RPL24: variants seen among roughly 807,000 people sequenced by gnomAD.
The protein encoded by RPL24 is ribosomal protein L24, also known as large ribosomal subunit protein eL24.
Under a neutral mutation model 26.4 loss-of-function variants are expected in RPL24, and 7 were observed. The observed-to-expected ratio is 0.27, with a 90% confidence interval of 0.15 to 0.50. The LOEUF is 0.50. Ranked by LOEUF, RPL24 falls within the 20% of genes least tolerant of loss-of-function variation. The pLI is 0.98. For synonymous variants in RPL24, 67 were observed against 65.2 expected (o/e 1.03, Z -0.13); for missense variants, 109 against 194.9 (o/e 0.56, Z 2.62).
intron 5 of RPL24, 81 bp downstream of exon 5, chr3:101,682,348 G>T: frequency 9.0e-7 from 1 of 1,107,918 alleles, no homozygotes; most frequent in Non-Finnish European, 1.4e-6. Context: ...CCCATCCTGG[G>T]CAACAGAGCA....
At chr3:101,683,958 C>T (rs922055605) in intron 3 of RPL24, among the ~76,000 whole-genome samples, 35 of 152,050 alleles carry the variant, frequency 2.3e-4, no homozygotes, top group African/African-American at 8.2e-4. Context: ...GCAATCTGTC[C>T]GCCTTGGCCT....
chr3:101,682,937 G>T, intron 3 of RPL24, 30 bp from the exon 4 acceptor site: 1 of 1,589,628 alleles, frequency 6.3e-7, no homozygotes, highest in Non-Finnish European at 8.6e-7. Context: ...GGCACACTTA[G>T]GAACCTTCCT....
At chr3:101,681,363 C>T in intron 5 of RPL24, 148 bp from the exon 6 acceptor site, 1 of 626,966 alleles carries the variant, frequency 1.6e-6, no homozygotes, top group Non-Finnish European at 2.9e-6. Context: ...TGTGACTACC[C>T]TTAAATATTT....
Position 101,685,786 on chromosome 3 carries a change from T to C in RPL24, c.192+32A>G, listed in dbSNP as rs765458898. On this transcript the variant is annotated intron_variant, in intron 3 of 5. Transcript: ENST00000394077. ...CAGAGAGCTTTGACAACTTAAGAGATAGCCCCCAACATCAAGGCGTATTCC... is the reference window on the plus strand; with the variant it reads ...CAGAGAGCTTTGACAACTTAAGAGACAGCCCCCAACATCAAGGCGTATTCC... 40 of 1,247,100 alleles carry C rather than the reference T, an allele frequency of 3.2e-5. No homozygotes were observed. The Admixed American group carries it at 7.0e-4, about 22-fold the overall frequency. The allele number at this position is 1,247,100 out of a possible 1,614,324, so 77.3% of individuals were successfully genotyped here.
intron 3 of RPL24, among the ~76,000 whole-genome samples, chr3:101,683,211 T>C (rs1439755379): frequency 6.6e-6 from 1 of 152,068 alleles, no homozygotes; most frequent in Non-Finnish European, 1.5e-5. Context: ...ATAATTTACT[T>C]ATTGAAAAAA....
intron 2 of RPL24, 80 bp from the exon 3 acceptor site, chr3:101,686,008 ATCAATATGCTAGTTC>A: frequency 1.1e-6 from 1 of 913,924 alleles, no homozygotes; most frequent in Non-Finnish European, 1.8e-6. Flanking sequence ...TCCTTAGAAG[ATCAATATGCTAGTTC>A]TGGCTTATCA....
intron 3 of RPL24, among the ~76,000 whole-genome samples, chr3:101,684,167 CT>C (rs930501770): frequency 8.7e-3 from 1,199 of 137,768 alleles, no homozygotes; most frequent in Middle Eastern, 0.016. Flanking sequence ...CCCATTTTAA[CT>C]TTTTTTTTTT....
intron 5 of RPL24, 73 bp from the exon 6 acceptor site, chr3:101,681,288 A>AT: frequency 9.9e-7 from 1 of 1,005,168 alleles, no homozygotes; most frequent in African/African-American, 1.6e-5. Flanking sequence ...TCACATCCAG[A>AT]TTGTTTATGT....
In RPL24 at chr3:101,686,549, A is replaced by C. The variant is rs1264149908; in HGVS notation, c.14T>G (p.Leu5Arg). MKVE[L>R]CSFSGYKIYP... ...GATCTTGTACCCGCTAAAACTGCACAGCTCGACCCTGCAACAAAAAGTGAA... is the reference window on the plus strand; with the variant it reads ...GATCTTGTACCCGCTAAAACTGCACCGCTCGACCCTGCAACAAAAAGTGAA... The change falls in exon 2 of 6, where the codon CTG becomes CGG. Residue 5 changes from leucine to arginine, a missense_variant. By Grantham distance (102) the Leu-to-Arg change is moderately radical. Coordinates refer to ENST00000394077, the MANE Select transcript of RPL24 (RefSeq NM_000986.4). The C allele has an allele frequency of 1.2e-6, 2 of 1,614,246 alleles. No homozygotes were observed.
intron 2 of RPL24, 31 bp from the exon 3 acceptor site, chr3:101,685,959 TTAAC>T (rs1204530540): frequency 4.4e-6 from 6 of 1,376,734 alleles, no homozygotes; most frequent in Non-Finnish European, 6.2e-6. Context: ...GAATTACTAT[TTAAC>T]TATACAAAGT....
At chr3:101,682,360 G>T in intron 5 of RPL24, 69 bp downstream of exon 5, 1 of 1,229,672 alleles carries the variant, frequency 8.1e-7, no homozygotes, top group South Asian at 1.2e-5. Flanking sequence ...AACAGAGCAA[G>T]ACTCCGTCTC....
rs148411930 is a variant in RPL24 at position 101,686,518 on chromosome 3, G to C, written c.45C>G (p.Pro15=). 9.2e-5 allele frequency: 149 copies of C among 1,614,100 alleles called. No homozygotes were observed. In the African/African-American group the frequency reaches 1.9e-3, roughly 20 times the overall value. Residue 15 remains proline, a synonymous_variant, in exon 2 of 6, where the codon CCC becomes CCG. Transcript: ENST00000394077. ...LCSFSGYKIY[P]GHGRRYARTD... Reference sequence around the variant, plus strand: ...TCCTGGCGTAGCGCCTCCCGTGTCCGGGGTAGATCTTGTACCCGCTAAAAC... The same window carrying C: ...TCCTGGCGTAGCGCCTCCCGTGTCCCGGGTAGATCTTGTACCCGCTAAAAC...
rs750508674 is a variant in RPL24, at chr3:101,682,354, G to C, written c.393+75C>G. ...CCACTGCACCCCATCCTGGGCAACAGAGCAAGACTCCGTCTCAAAAAAAGA... is the reference window on the plus strand; with the variant it reads ...CCACTGCACCCCATCCTGGGCAACACAGCAAGACTCCGTCTCAAAAAAAGA... On this transcript the variant is annotated intron_variant, in intron 5 of 5. Coordinates refer to ENST00000394077, the MANE Select transcript of RPL24 (RefSeq NM_000986.4). 3.1e-4 allele frequency: 368 copies of C among 1,181,632 alleles called. 2 individuals are homozygous for C. Among genetic ancestry groups the C allele is most frequent in the Middle Eastern group, 2.6e-4 (1 of 3,824 alleles). 73.2% of individuals were successfully genotyped at this position (1,181,632 alleles called of 1,614,324 possible). A position where few individuals can be genotyped will look rare whatever the true frequency, so the allele number is the denominator to read the frequency against.
Position 101,682,421 on chromosome 3 carries a change from A to T in RPL24, c.393+8T>A. ...TTGTTCAAGAAAGTAAAGAAACCCCATAATTACCTTAGCAGCAGCCATTGC... is the reference window on the plus strand; with the variant it reads ...TTGTTCAAGAAAGTAAAGAAACCCCTTAATTACCTTAGCAGCAGCCATTGC... On this transcript the variant is annotated splice_region_variant and intron_variant, in intron 5 of 5. Coordinates refer to ENST00000394077, the MANE Select transcript of RPL24 (RefSeq NM_000986.4). 6.2e-7 allele frequency: 1 copy of T among 1,609,494 alleles called. No individual in the cohort carries two copies. The highest frequency in any genetic ancestry group is 8.5e-7 in the Non-Finnish European group (1 of 1,175,746).
chr3:101,682,698 C>T, intron 4 of RPL24, 73 bp downstream of exon 4: 1 of 1,450,856 alleles, frequency 6.9e-7, no homozygotes, highest in Non-Finnish European at 9.5e-7. Context: ...TATATGGTAA[C>T]TTTAATTACT....
At chr3:101,683,573 AAAATGGCAGTTTTTCTACAGT>A (rs1320783613) in intron 3 of RPL24, among the ~76,000 whole-genome samples, 1 of 152,094 alleles carries the variant, frequency 6.6e-6, no homozygotes, top group Non-Finnish European at 1.5e-5. Context: ...TTTCTACAGT[AAAATGGCAGTTTTTCTACAGT>A]AAATGGCAGT....
intron 4 of RPL24, 99 bp downstream of exon 4, chr3:101,682,672 T>G: frequency 7.6e-7 from 1 of 1,312,832 alleles, no homozygotes; most frequent in Non-Finnish European, 1.1e-6. Flanking sequence ...CCAAATCAGC[T>G]TAACATATAT....
chr3:101,686,715 A>G lies in RPL24; in HGVS notation c.-39T>C, dbSNP rs776162452. The G allele has an allele frequency of 8.1e-6, 13 of 1,613,804 alleles. 1 individual carries two copies. In the South Asian group the frequency reaches 8.8e-5, roughly 11 times the overall value. On this transcript the variant is annotated 5_prime_UTR_variant, in exon 1 of 6. Coordinates refer to ENST00000394077, the MANE Select transcript of RPL24 (RefSeq NM_000986.4). ...CGGAAAGACAAAAGATGGCGAAAAG[A>G]AAGAGAGAATCATGGGAAGAGACCT...
intron 3 of RPL24, among the ~76,000 whole-genome samples, chr3:101,683,178 AATG>A (rs1937283673): frequency 6.6e-6 from 1 of 152,226 alleles, no homozygotes; most frequent in Admixed American, 6.5e-5. Flanking sequence ...TAGTAGTATA[AATG>A]AAGACTGTTT....
Sources: gnomAD v4.1 joint callset for allele counts (sites outside exome capture counted in the v4.1 genomes callset) on GRCh38, gnomAD v4.1.1 for gene constraint, MANE v1.5 for transcripts, NCBI Gene and HGNC (gene_info 2026-07-23, HGNC 2026-07-21) for gene names.